The following TRAPPC9 variants were observed in gnomAD, a reference collection of about 807,000 sequenced individuals.
TRAPPC9 encodes the protein trafficking protein particle complex subunit 9.
In TRAPPC9, 83 loss-of-function variants were observed where a neutral mutation model predicts 124.0. That is an observed-to-expected ratio of 0.67 (90% confidence interval 0.56 to 0.80). The LOEUF (loss-of-function observed/expected upper bound fraction) is 0.80. Among genes scored for constraint, TRAPPC9 ranks in the 30% least tolerant of loss-of-function variants. The probability of loss-of-function intolerance (pLI) is 0.00; values close to 1 mark genes in which losing one functional copy is unlikely to be tolerated. For missense variants in TRAPPC9, 1,302 were observed against 1,508.3 expected, an observed-to-expected ratio of 0.86 and a Z score of 2.27; for synonymous variants, 638 against 617.5, an observed-to-expected ratio of 1.03 and a Z score of -0.49.
At chr8:140,138,691 C>T (rs2061340733) in intron 17 of TRAPPC9, among the ~76,000 whole-genome samples, 1 of 152,196 alleles carries the variant, frequency 6.6e-6, no homozygotes, top group Admixed American at 6.5e-5. Flanking sequence ...TGTCCACTCG[C>T]AGTATAAACC....
At chr8:140,303,583 G>A (rs2066042110) in intron 10 of TRAPPC9, among the ~76,000 whole-genome samples, 1 of 152,234 alleles carries the variant, frequency 6.6e-6, no homozygotes, top group Non-Finnish European at 1.5e-5. Context: ...CCTGGCAGAT[G>A]AGATCACGCT....
At chr8:139,852,442 C>T (rs181698614) in intron 21 of TRAPPC9, among the ~76,000 whole-genome samples, 1 of 152,118 alleles carries the variant, frequency 6.6e-6, no homozygotes, top group Non-Finnish European at 1.5e-5. Flanking sequence ...GGCTCCTCAC[C>T]GAGTGCCAGA....
chr8:140,417,363 G>C (rs1338361431), intron 5 of TRAPPC9, among the ~76,000 whole-genome samples: 1 of 152,044 alleles, frequency 6.6e-6, no homozygotes, highest in East Asian at 1.9e-4. Flanking sequence ...AAATTTACAA[G>C]AAAAAAACAA....
chr8:140,097,372 G>C lies in TRAPPC9; in HGVS notation c.2557-73293C>G, dbSNP rs1466061699. Reference sequence around the variant, plus strand: ...GTCTGCAGGGTAAGGACGCCCACCTGGGTTCTTGTGCCAGCCACAGTTGTG... The same window carrying C: ...GTCTGCAGGGTAAGGACGCCCACCTCGGTTCTTGTGCCAGCCACAGTTGTG... On this transcript the variant is annotated intron_variant, in intron 17 of 22. Coordinates refer to ENST00000438773, the MANE Select transcript of TRAPPC9 (RefSeq NM_001160372.4). This position sits in a 1 kb window ranked among gnomAD's most constrained non-coding sequence, Gnocchi z 4.2. The C allele has an allele frequency of 6.6e-6, 1 of 152,264 alleles. No individual in the cohort carries two copies. The highest frequency in any genetic ancestry group is 1.5e-5 in the Non-Finnish European group (1 of 68,102). The allele number at this position is 152,264 out of a possible 1,614,324, so 9.4% of individuals were successfully genotyped here.
intron 19 of TRAPPC9, among the ~76,000 whole-genome samples, chr8:139,917,714 G>A (rs555895147): frequency 1.5e-4 from 23 of 152,324 alleles, no homozygotes; most frequent in Admixed American, 4.6e-4. Context: ...AAATAAGGTC[G>A]CTTGCCCAAG....
intron 8 of TRAPPC9, among the ~76,000 whole-genome samples, chr8:140,363,298 G>A (rs764785927): frequency 2.6e-5 from 4 of 152,140 alleles, no homozygotes; most frequent in Admixed American, 6.5e-5. Flanking sequence ...TTCCTTCCTC[G>A]ACCGTCTATA....
intron 5 of TRAPPC9, among the ~76,000 whole-genome samples, chr8:140,424,445 C>T (rs2070352358): frequency 6.6e-6 from 1 of 151,332 alleles, no homozygotes; most frequent in Non-Finnish European, 1.5e-5. Context: ...CCAGCTGGGT[C>T]AACACAGAGA....
intron 21 of TRAPPC9, among the ~76,000 whole-genome samples, chr8:139,789,674 G>C (rs1018068282): frequency 3.9e-5 from 6 of 152,178 alleles, no homozygotes; most frequent in African/African-American, 1.4e-4. Context: ...CTGGCTCTTT[G>C]CTCCCGAGTG....
chr8:140,298,205 T>C (rs759085791), intron 11 of TRAPPC9, among the ~76,000 whole-genome samples: 7 of 152,254 alleles, frequency 4.6e-5, no homozygotes, highest in South Asian at 2.1e-4. Context: ...ACCCTAGTTA[T>C]GCCCTTTATC....
chr8:139,947,907 T>TATATATATATATATATATAGAG, intron 19 of TRAPPC9, among the ~76,000 whole-genome samples: 1 of 60,356 alleles, frequency 1.7e-5, no homozygotes, highest in Non-Finnish European at 3.3e-5. Flanking sequence ...TATATATATA[T>TATATATATATATATATATAGAG]AGAGAGAGAG....
intron 4 of TRAPPC9, among the ~76,000 whole-genome samples, chr8:140,433,444 GCCAGGTGTGGTGACGGGCAC>G (rs1171568089): frequency 6.6e-6 from 1 of 152,070 alleles, no homozygotes; most frequent in Non-Finnish European, 1.5e-5. Flanking sequence ...ACAAAAATTA[GCCAGGTGTGGTGACGGGCAC>G]CTGTAATCCC....
chr8:140,134,309 C>T (rs2061259955), intron 17 of TRAPPC9, among the ~76,000 whole-genome samples: 1 of 152,100 alleles, frequency 6.6e-6, no homozygotes, highest in Non-Finnish European at 1.5e-5. Context: ...CTCTGTCACC[C>T]AGGCTAGAAT....
intron 17 of TRAPPC9, among the ~76,000 whole-genome samples, chr8:140,077,692 C>T (rs1843587861): frequency 6.6e-6 from 1 of 152,128 alleles, no homozygotes; most frequent in African/African-American, 2.4e-5. Flanking sequence ...CTGTGGACAT[C>T]AGGAGTCGCT....
intron 2 of TRAPPC9, among the ~76,000 whole-genome samples, chr8:140,445,463 T>C (rs2071210700): frequency 6.6e-6 from 1 of 152,110 alleles, no homozygotes; most frequent in Non-Finnish European, 1.5e-5. Context: ...GTCTGAACTC[T>C]GAAGGGCCTG....
intron 7 of TRAPPC9, among the ~76,000 whole-genome samples, chr8:140,394,303 C>T (rs909198772): frequency 2.0e-5 from 3 of 152,200 alleles, no homozygotes; most frequent in Admixed American, 6.5e-5. Flanking sequence ...ACAGTCCACC[C>T]TCCACTGTCA....
chr8:140,384,236 G>A (rs949305496), intron 7 of TRAPPC9, among the ~76,000 whole-genome samples: 6 of 151,798 alleles, frequency 4.0e-5, no homozygotes, highest in Admixed American at 3.3e-4. Flanking sequence ...ACCGAGACTA[G>A]GAAGAAACTG....
chr8:139,906,238 C>A (rs1227873517), intron 20 of TRAPPC9, among the ~76,000 whole-genome samples: 2 of 152,272 alleles, frequency 1.3e-5, no homozygotes, highest in Non-Finnish European at 2.9e-5. Flanking sequence ...TCCCCAACAA[C>A]AGGTCACCCT....
chr8:139,872,421 T>C (rs1034246365), intron 21 of TRAPPC9, among the ~76,000 whole-genome samples: 3 of 143,472 alleles, frequency 2.1e-5, no homozygotes, highest in Non-Finnish European at 3.0e-5. Flanking sequence ...GATGGATGGA[T>C]GGATGGGCTG....
intron 15 of TRAPPC9, among the ~76,000 whole-genome samples, chr8:140,256,940 A>C (rs2064280123): frequency 1.3e-5 from 2 of 152,166 alleles, no homozygotes; most frequent in African/African-American, 4.8e-5. Flanking sequence ...CAAGAACACC[A>C]CCACCAATGA....
Sources: gnomAD v4.1 joint callset for allele counts (sites outside exome capture counted in the v4.1 genomes callset) on GRCh38, gnomAD v4.1.1 for gene constraint, Gnocchi (gnomAD v3.1) non-coding constraint, MANE v1.5 for transcripts, NCBI Gene and HGNC (gene_info 2026-07-23, HGNC 2026-07-21) for gene names.